Variants in CDYL2 observed in about 807,000 individuals in gnomAD.
CDYL2 encodes chromodomain Y like 2.
In CDYL2, 23 loss-of-function variants were observed where a neutral mutation model predicts 49.4. The observed-to-expected ratio is 0.47, with a 90% CI of 0.34 to 0.66. The LOEUF is 0.66. Ranked by LOEUF, CDYL2 falls within the 30% of genes least tolerant of loss-of-function variation. The pLI, the probability that CDYL2 is intolerant of heterozygous loss-of-function variation, is 0.01. For synonymous variants in CDYL2, 360 were observed against 268.8 expected (o/e 1.34, Z -3.32); for missense variants, 678 against 656.4 (o/e 1.03, Z -0.36).
At chr16:80,694,191 T>C (rs191861762) in intron 1 of CDYL2, among the ~76,000 whole-genome samples, 1 of 152,286 alleles carries the variant, frequency 6.6e-6, no homozygotes, top group East Asian at 1.9e-4. Context: ...GCATGCGCAG[T>C]TCACAAGAGG....
rs1409959271 is a variant in CDYL2 at position 80,603,080 on chromosome 16, A to G, written c.*1308T>C. The G allele has an allele frequency of 6.6e-6, 1 of 152,180 alleles. No homozygotes were observed. Among genetic ancestry groups the G allele is most frequent in the Non-Finnish European group, 1.5e-5 (1 of 68,052 alleles). 9.4% of individuals were successfully genotyped at this position (152,180 alleles called of 1,614,324 possible). A position where few individuals can be genotyped will look rare whatever the true frequency, so the allele number is the denominator to read the frequency against. The stretch of plus-strand genomic sequence containing the variant: ...CTGGTCATTGCTCCCTATGTACATA[A>G]AAAAACTAGAAAACAGATGAGTCAT... On this transcript the variant is annotated 3_prime_UTR_variant, in exon 7 of 7. Transcript: ENST00000570137.
At chr16:80,628,845 G>A (rs945010717) in intron 3 of CDYL2, among the ~76,000 whole-genome samples, 1 of 152,080 alleles carries the variant, frequency 6.6e-6, no homozygotes, top group African/African-American at 2.4e-5. Context: ...AATGGAGGAG[G>A]GGGGGGATAT....
chr16:80,650,514 T>C (rs1908538797), intron 2 of CDYL2, among the ~76,000 whole-genome samples: 1 of 152,162 alleles, frequency 6.6e-6, no homozygotes. Context: ...TCACACACTG[T>C]TGGTGGGAAT....
chr16:80,598,035 G>C lies in CDYL2; in HGVS notation c.*6353C>G, dbSNP rs577197775. 2.6e-5 allele frequency: 4 copies of C among 152,308 alleles called. No homozygotes were observed. In the South Asian group the frequency reaches 8.3e-4, roughly 32 times the overall value. 9.4% of individuals were successfully genotyped at this position (152,308 alleles called of 1,614,324 possible). On this transcript the variant is annotated 3_prime_UTR_variant, in exon 7 of 7. Coordinates refer to ENST00000570137, the MANE Select transcript of CDYL2 (RefSeq NM_152342.4). ...TACACGTTACAGGACCATTCACAAA[G>C]AGAGTGTACAATTTGCTCTAGACAG...
chr16:80,737,591 G>A (rs1294560586), intron 1 of CDYL2, among the ~76,000 whole-genome samples: 1 of 152,300 alleles, frequency 6.6e-6, no homozygotes, highest in East Asian at 1.9e-4. Flanking sequence ...GCTGCTAGTG[G>A]TGGTGGTTTT....
chr16:80,754,571 G>C (rs543177667), intron 1 of CDYL2, among the ~76,000 whole-genome samples: 63 of 152,264 alleles, frequency 4.1e-4, no homozygotes, highest in Non-Finnish European at 6.6e-4. Flanking sequence ...AGGCAGTCTA[G>C]CGTCCACCCT....
intron 1 of CDYL2, among the ~76,000 whole-genome samples, chr16:80,696,348 A>T (rs1279592296): frequency 6.6e-6 from 1 of 152,150 alleles, no homozygotes; most frequent in Non-Finnish European, 1.5e-5. Flanking sequence ...AAAAGCAAGA[A>T]AAAACCGAAC....
intron 1 of CDYL2, among the ~76,000 whole-genome samples, chr16:80,751,803 G>A (rs966971205): frequency 7.9e-5 from 12 of 152,178 alleles, no homozygotes; most frequent in African/African-American, 2.7e-4. Flanking sequence ...GGGATAATCA[G>A]AGATAGCTGA....
At chr16:80,790,708 G>A (rs1189815681) in intron 1 of CDYL2, among the ~76,000 whole-genome samples, 1 of 152,168 alleles carries the variant, frequency 6.6e-6, no homozygotes, top group East Asian at 1.9e-4. Flanking sequence ...TGGATTTCTA[G>A]GAAAAGTTTA....
rs145890469 is a variant in CDYL2 at position 80,612,630 on chromosome 16, G to A, written c.1214C>T (p.Ala405Val). Reference protein sequence around the residue: ...SYTFPQILGVALANEMLFCGR... With the variant: ...SYTFPQILGVVLANEMLFCGR... Reference sequence around the variant, plus strand: ...CAGGTATCACAGGAGGCTTACCAGCGCGACGCCCAGGATCTGGGGGAAGGT... The same window carrying A: ...CAGGTATCACAGGAGGCTTACCAGCACGACGCCCAGGATCTGGGGGAAGGT... The change falls in exon 5 of 7, where the codon GCG becomes GTG. Residue 405 changes from alanine to valine, a missense_variant. Ala to Val is a moderately conservative substitution (Grantham distance 64, BLOSUM62 0). Transcript: ENST00000570137. The surrounding 1 kb of genome is among the most constrained non-coding windows in gnomAD (Gnocchi z 5.0). 246 of 1,605,514 alleles carry A rather than the reference G, an allele frequency of 1.5e-4. No homozygotes were observed. Among genetic ancestry groups the A allele is most frequent in the Non-Finnish European group, 1.9e-4 (228 of 1,175,962 alleles).
intron 1 of CDYL2, among the ~76,000 whole-genome samples, chr16:80,707,384 C>T (rs1387513237): frequency 1.3e-5 from 2 of 152,082 alleles, no homozygotes; most frequent in Non-Finnish European, 2.9e-5. Flanking sequence ...TCACTTGAAC[C>T]TGGGAAATCA....
At chr16:80,722,773 T>C (rs1456897744) in intron 1 of CDYL2, among the ~76,000 whole-genome samples, 1 of 152,168 alleles carries the variant, frequency 6.6e-6, no homozygotes, top group Non-Finnish European at 1.5e-5. Flanking sequence ...TTAACCACAG[T>C]CCATGCACTC....
intron 2 of CDYL2, among the ~76,000 whole-genome samples, chr16:80,673,653 C>T (rs959627293): frequency 6.6e-6 from 1 of 152,176 alleles, no homozygotes; most frequent in Admixed American, 6.5e-5. Context: ...CATATGCATA[C>T]CCTTTCTTCC....
intron 1 of CDYL2, among the ~76,000 whole-genome samples, chr16:80,699,460 A>C (rs1904289838): frequency 6.6e-6 from 1 of 152,224 alleles, no homozygotes; most frequent in Admixed American, 6.5e-5. Context: ...GAAGCTAAAA[A>C]AGTTGATCTC....
intron 2 of CDYL2, among the ~76,000 whole-genome samples, chr16:80,681,793 G>A (rs1290286513): frequency 2.0e-5 from 3 of 152,182 alleles, no homozygotes; most frequent in East Asian, 1.9e-4. Context: ...GCCAGAGGCC[G>A]GCATTCCAAC....
chr16:80,659,832 T>C (rs1408379833), intron 2 of CDYL2, among the ~76,000 whole-genome samples: 2 of 152,084 alleles, frequency 1.3e-5, no homozygotes, highest in African/African-American at 4.8e-5. Flanking sequence ...GCTGAACTTT[T>C]TGTAGAACTC....
intron 1 of CDYL2, among the ~76,000 whole-genome samples, chr16:80,694,430 T>G (rs1227795111): frequency 6.6e-6 from 1 of 151,948 alleles, no homozygotes; most frequent in Non-Finnish European, 1.5e-5. Context: ...AAGCATACAC[T>G]AGGTTTGAGC....
chr16:80,638,797 G>T (rs1485571804), intron 2 of CDYL2, among the ~76,000 whole-genome samples: 1 of 152,076 alleles, frequency 6.6e-6, no homozygotes, highest in African/African-American at 2.4e-5. Context: ...AAAGAACCTA[G>T]ACACAAACTC....
At chr16:80,748,048 C>G (rs1905991941) in intron 1 of CDYL2, among the ~76,000 whole-genome samples, 1 of 151,328 alleles carries the variant, frequency 6.6e-6, no homozygotes, top group African/African-American at 2.4e-5. Flanking sequence ...CCCCAGTGAC[C>G]AGAATGTTAC....
Sources: gnomAD v4.1 joint callset for allele counts (sites outside exome capture counted in the v4.1 genomes callset) on GRCh38, gnomAD v4.1.1 for gene constraint, Gnocchi (gnomAD v3.1) non-coding constraint, MANE v1.5 for transcripts, NCBI Gene and HGNC (gene_info 2026-07-23, HGNC 2026-07-21) for gene names.